Variants in NELL1 observed in about 807,000 individuals in gnomAD.
NELL1 encodes neural EGFL like 1.
Under a neutral mutation model 107.4 loss-of-function variants are expected in NELL1, and 76 were observed. That is an observed-to-expected ratio of 0.71 (90% confidence interval 0.59 to 0.86). NELL1 has a LOEUF of 0.86. Ranked by LOEUF, NELL1 falls within the 40% of genes least tolerant of loss-of-function variation. NELL1 has a pLI of 0.00. For synonymous variants in NELL1, 353 were observed against 341.2 expected (o/e 1.03, Z -0.38); for missense variants, 1,024 against 1,005.5 (o/e 1.02, Z -0.25).
intron 15 of NELL1, among the ~76,000 whole-genome samples, chr11:21,515,580 CATA>C (rs1406752764): frequency 6.6e-6 from 1 of 152,122 alleles, no homozygotes; most frequent in Non-Finnish European, 1.5e-5. Flanking sequence ...GCCTCAGTTT[CATA>C]ATGTTTGAAG....
At chr11:21,411,482 C>T (rs4923594) in intron 15 of NELL1, among the ~76,000 whole-genome samples, 104,621 of 151,796 alleles carry the variant, frequency 0.69, 36,245 homozygotes, top group Middle Eastern at 0.72. Context: ...TACACTCTAA[C>T]GAAAGGCTGG....
At chr11:21,526,047 A>G (rs1446181872) in intron 15 of NELL1, among the ~76,000 whole-genome samples, 1 of 152,244 alleles carries the variant, frequency 6.6e-6, no homozygotes, top group Non-Finnish European at 1.5e-5. Flanking sequence ...CCAAAGTCTC[A>G]TCTGACACAA....
intron 12 of NELL1, among the ~76,000 whole-genome samples, chr11:20,972,061 A>G (rs1851513091): frequency 6.6e-6 from 1 of 152,196 alleles, no homozygotes; most frequent in African/African-American, 2.4e-5. Flanking sequence ...GGAGAGCATT[A>G]GGACAAATAC....
chr11:20,694,274 G>C (rs1164470203), intron 2 of NELL1, among the ~76,000 whole-genome samples: 2 of 151,882 alleles, frequency 1.3e-5, no homozygotes, highest in Non-Finnish European at 2.9e-5. Flanking sequence ...TGAAGCCTAG[G>C]TCCTCCTTGT....
intron 4 of NELL1, among the ~76,000 whole-genome samples, chr11:20,858,899 C>A (rs1177751611): frequency 6.6e-6 from 1 of 152,298 alleles, no homozygotes; most frequent in Middle Eastern, 3.4e-3. Flanking sequence ...GGCACAGGTA[C>A]AGGATCCAAA....
chr11:20,738,351 C>T (rs976579422), intron 2 of NELL1, among the ~76,000 whole-genome samples: 3 of 152,088 alleles, frequency 2.0e-5, no homozygotes, highest in African/African-American at 7.2e-5. Flanking sequence ...ATGAATGGAA[C>T]AGGCATTGAG....
intron 13 of NELL1, among the ~76,000 whole-genome samples, chr11:21,223,848 G>A (rs1041958664): frequency 1.7e-4 from 26 of 152,156 alleles, no homozygotes; most frequent in African/African-American, 6.0e-4. Context: ...CGTAGATCAG[G>A]TCTACTGGTG....
intron 2 of NELL1, among the ~76,000 whole-genome samples, chr11:20,690,253 G>C (rs1854426540): frequency 6.6e-6 from 1 of 151,628 alleles, no homozygotes; most frequent in Non-Finnish European, 1.5e-5. Flanking sequence ...TCTGATGGTA[G>C]TTTCTTTTGC....
intron 5 of NELL1, among the ~76,000 whole-genome samples, chr11:20,891,246 C>A (rs1849611382): frequency 6.6e-6 from 1 of 152,136 alleles, no homozygotes; most frequent in South Asian, 2.1e-4. Flanking sequence ...CCCAGAATTT[C>A]ATATCCAGCC....
At chr11:21,528,516 C>CG (rs1336131924) in intron 15 of NELL1, among the ~76,000 whole-genome samples, 6 of 46,060 alleles carry the variant, frequency 1.3e-4, no homozygotes, top group East Asian at 8.5e-4. Flanking sequence ...TACCCACCCC[C>CG]CCCCCCTTTT....
At chr11:21,168,638 T>G (rs893080162) in intron 13 of NELL1, among the ~76,000 whole-genome samples, 1 of 151,870 alleles carries the variant, frequency 6.6e-6, no homozygotes, top group African/African-American at 2.4e-5. Flanking sequence ...GGGCGAGACC[T>G]TCCCTGCCTT....
At chr11:21,046,403 T>C (rs535992519) in intron 12 of NELL1, among the ~76,000 whole-genome samples, 8 of 152,290 alleles carry the variant, frequency 5.3e-5, no homozygotes, top group African/African-American at 1.7e-4. Context: ...TCAGCCTAGA[T>C]TGGGTTTAGC....
chr11:20,885,279 C>T (rs1327562540), intron 4 of NELL1, among the ~76,000 whole-genome samples, 165 bp from the exon 5 acceptor site: 1 of 152,168 alleles, frequency 6.6e-6, no homozygotes, highest in Non-Finnish European at 1.5e-5. Context: ...GATGATGTGT[C>T]CAAGTGTTAG....
intron 14 of NELL1, among the ~76,000 whole-genome samples, chr11:21,339,135 G>A (rs1850504946): frequency 6.6e-6 from 1 of 152,174 alleles, no homozygotes; most frequent in Non-Finnish European, 1.5e-5. Flanking sequence ...TGGTACCTAA[G>A]AATGTGACTG....
At chr11:21,507,809 T>G in intron 15 of NELL1, among the ~76,000 whole-genome samples, 1 of 148,792 alleles carries the variant, frequency 6.7e-6, no homozygotes, top group Non-Finnish European at 1.5e-5. Flanking sequence ...TGAGACGGAG[T>G]CTCACTCTGT....
In NELL1 at chr11:21,021,323, C is replaced by T. The variant is rs372027546; in HGVS notation, c.1300+60763C>T. On this transcript the variant is annotated intron_variant, in intron 12 of 19. Coordinates refer to ENST00000357134, the MANE Select transcript of NELL1 (RefSeq NM_006157.5). ...GAATATGAAGAGAGCTTTAAAACTT[C>T]AATATCTCTTTCATGTTTATCTGCG... Among the ~76,000 whole-genome samples the T allele has an allele frequency of 2.6e-5, 4 of 152,028 alleles. No homozygotes were observed. In the East Asian group the frequency reaches 7.8e-4, roughly 30 times the overall value.
intron 12 of NELL1, among the ~76,000 whole-genome samples, chr11:20,971,079 C>G (rs1851490895): frequency 6.6e-6 from 1 of 152,118 alleles, no homozygotes; most frequent in Admixed American, 6.6e-5. Context: ...TTGATCATGT[C>G]TTCCCTCTGA....
At chr11:20,790,223 C>A (rs770291296) in intron 3 of NELL1, among the ~76,000 whole-genome samples, 3 of 152,202 alleles carry the variant, frequency 2.0e-5, no homozygotes, top group Non-Finnish European at 4.4e-5. Flanking sequence ...GCCCAGACTG[C>A]AGGTGCCAAG....
At chr11:21,570,045 T>C (rs1857062360) in intron 17 of NELL1, among the ~76,000 whole-genome samples, 1 of 151,918 alleles carries the variant, frequency 6.6e-6, no homozygotes, top group African/African-American at 2.4e-5. Context: ...TTACTCTTAC[T>C]GCTTAAGTGC....
Sources: allele counts gnomAD v4.1 joint callset (sites outside exome capture counted in the v4.1 genomes callset), GRCh38; gene constraint gnomAD v4.1.1; transcripts MANE v1.5; gene names NCBI Gene and HGNC (gene_info 2026-07-23, HGNC 2026-07-21).